Variants in TBC1D19 observed in about 807,000 individuals in gnomAD.
TBC1D19 encodes the protein TBC1 domain family member 19.
In TBC1D19, 60 loss-of-function variants were observed where a neutral mutation model predicts 89.0. The ratio of observed to expected loss-of-function variants is 0.67; its 90% CI spans 0.55 to 0.84. TBC1D19 has a LOEUF of 0.84. Among genes scored for constraint, TBC1D19 ranks in the 40% least tolerant of loss-of-function variants. TBC1D19 has a pLI of 0.00. For missense variants in TBC1D19, 500 were observed against 610.8 expected (o/e 0.82, Z 1.91); for synonymous variants, 189 against 199.7 (o/e 0.95, Z 0.45).
intron 7 of TBC1D19, 79 bp downstream of exon 7, chr4:26,640,266 C>A: frequency 8.3e-7 from 1 of 1,205,628 alleles, no homozygotes; most frequent in Non-Finnish European, 1.2e-6. Context: ...TATATCAAGG[C>A]AGAGGGATTA....
At chr4:26,741,691 C>T (rs1718387728) in intron 17 of TBC1D19, among the ~76,000 whole-genome samples, 1 of 151,380 alleles carries the variant, frequency 6.6e-6, no homozygotes, top group Non-Finnish European at 1.5e-5. Context: ...TTTTGGCTTG[C>T]AGCTAGACTG....
intron 8 of TBC1D19, among the ~76,000 whole-genome samples, chr4:26,660,705 A>G (rs1745171577): frequency 6.6e-6 from 1 of 152,090 alleles, no homozygotes; most frequent in African/African-American, 2.4e-5. Context: ...AGTAGTCCTC[A>G]ATAGTCCAGG....
chr4:26,612,377 G>T (rs757123139), intron 1 of TBC1D19, among the ~76,000 whole-genome samples: 2 of 151,916 alleles, frequency 1.3e-5, no homozygotes, highest in African/African-American at 2.4e-5. Context: ...CTGGTAAATG[G>T]TAATTTTATT....
At chr4:26,616,049 CGTT>C (rs776615716) in intron 3 of TBC1D19, among the ~76,000 whole-genome samples, 2 of 151,754 alleles carry the variant, frequency 1.3e-5, no homozygotes, top group Non-Finnish European at 2.9e-5. Context: ...CTGAATAACT[CGTT>C]GGGATTTTTT....
At chr4:26,690,491 T>A (rs1351011698) in intron 13 of TBC1D19, among the ~76,000 whole-genome samples, 1 of 152,224 alleles carries the variant, frequency 6.6e-6, no homozygotes, top group Non-Finnish European at 1.5e-5. Context: ...CTTCAAAGGA[T>A]ATGCTGACTC....
chr4:26,784,738 C>G, the TBC1D19 span, among the ~76,000 whole-genome samples: 2 of 152,198 alleles, frequency 1.3e-5, no homozygotes, highest in Non-Finnish European at 2.9e-5. Context: ...ATCCTTATAT[C>G]TCTTGGAGAG....
chr4:26,686,527 C>T (rs772262188), intron 12 of TBC1D19, among the ~76,000 whole-genome samples: 5 of 151,930 alleles, frequency 3.3e-5, no homozygotes, highest in East Asian at 1.9e-4. Flanking sequence ...TTCATTATCA[C>T]GCTCCTGGAG....
chr4:26,840,799 G>A, the TBC1D19 span, among the ~76,000 whole-genome samples: 41 of 152,270 alleles, frequency 2.7e-4, no homozygotes, highest in Non-Finnish European at 4.1e-4. Flanking sequence ...AGTGAAATAC[G>A]ATGGGATAAC....
chr4:26,590,677 CTAT>C (rs1387950756), intron 1 of TBC1D19, among the ~76,000 whole-genome samples: 6 of 151,258 alleles, frequency 4.0e-5, no homozygotes, highest in African/African-American at 2.4e-5. Context: ...CAATTTTCAT[CTAT>C]TATTAACATC....
the TBC1D19 span, among the ~76,000 whole-genome samples, chr4:26,762,907 G>A: frequency 6.9e-4 from 105 of 152,214 alleles, no homozygotes; most frequent in African/African-American, 2.5e-3. Flanking sequence ...CAGAAGGAAT[G>A]CATCCCTACC....
At chr4:26,649,997 A>T (rs1309094157) in intron 7 of TBC1D19, among the ~76,000 whole-genome samples, 3 of 152,110 alleles carry the variant, frequency 2.0e-5, no homozygotes, top group Non-Finnish European at 2.9e-5. Context: ...TTTGCTGAGA[A>T]TGATGGTTTC....
intron 12 of TBC1D19, among the ~76,000 whole-genome samples, chr4:26,685,911 A>C (rs182915906): frequency 1.3e-5 from 2 of 152,364 alleles, no homozygotes; most frequent in Admixed American, 1.3e-4. Flanking sequence ...TCTCTTTGTC[A>C]CCAAAACAAA....
chr4:26,827,191 G>A, the TBC1D19 span, among the ~76,000 whole-genome samples: 3 of 152,176 alleles, frequency 2.0e-5, no homozygotes, highest in African/African-American at 7.2e-5. Flanking sequence ...AGTGGCAAAT[G>A]CTTATAAAGA....
chr4:26,655,725 G>A (rs1343994556), intron 7 of TBC1D19, among the ~76,000 whole-genome samples: 2 of 152,188 alleles, frequency 1.3e-5, no homozygotes, highest in East Asian at 1.9e-4. Context: ...TTGGAAAAAC[G>A]CAGTATTAGG....
chr4:26,670,892 ATCAT>A (rs1383938706), intron 9 of TBC1D19, among the ~76,000 whole-genome samples: 3 of 150,896 alleles, frequency 2.0e-5, no homozygotes, highest in South Asian at 2.1e-4. Context: ...AGAATTATAA[ATCAT>A]TCATTCTCAT....
chr4:26,829,426 A>G, the TBC1D19 span, among the ~76,000 whole-genome samples: 1 of 152,192 alleles, frequency 6.6e-6, no homozygotes. Flanking sequence ...GGCTAGAATG[A>G]TTTGCCCAAG....
chr4:26,630,113 A>G (rs1560429690), intron 4 of TBC1D19, among the ~76,000 whole-genome samples: 1 of 151,626 alleles, frequency 6.6e-6, no homozygotes, highest in Non-Finnish European at 1.5e-5. Context: ...CTTCATTGTT[A>G]TTAAAAAGTA....
At chr4:26,822,529 T>C in the TBC1D19 span, among the ~76,000 whole-genome samples, 1 of 152,160 alleles carries the variant, frequency 6.6e-6, no homozygotes, top group African/African-American at 2.4e-5. Flanking sequence ...TATATTTTTT[T>C]GAAAAATCCT....
chr4:26,611,225 CA>C (rs1334851563), intron 1 of TBC1D19, among the ~76,000 whole-genome samples: 3 of 151,982 alleles, frequency 2.0e-5, no homozygotes, highest in African/African-American at 7.2e-5. Flanking sequence ...ATATTTTCTG[CA>C]TTCCTTGATA....
Sources: gnomAD v4.1 joint callset for allele counts (sites outside exome capture counted in the v4.1 genomes callset) on GRCh38, gnomAD v4.1.1 for gene constraint, MANE v1.5 for transcripts, NCBI Gene and HGNC (gene_info 2026-07-23, HGNC 2026-07-21) for gene names.